ATP7B: variants seen among roughly 807,000 people sequenced by gnomAD.
ATP7B encodes copper-transporting ATPase 2.
ATP7B carries 113 observed loss-of-function variants against 118.9 expected under a neutral mutation model. The ratio of observed to expected loss-of-function variants is 0.95; its 90% CI spans 0.82 to 1.11. The LOEUF is 1.11. Ranked by LOEUF, ATP7B falls within the 50% of genes most tolerant of loss-of-function variation. ATP7B has a pLI of 0.00. For synonymous variants in ATP7B, 777 were observed against 727.4 expected, an observed-to-expected ratio of 1.07 and a Z score of -1.10; for missense variants, 1,867 against 1,871.4, an observed-to-expected ratio of 1.00 and a Z score of 0.04.
intron 16 of ATP7B, among the ~76,000 whole-genome samples, chr13:51,939,820 G>A (rs1192159424): frequency 6.6e-6 from 1 of 152,122 alleles, no homozygotes; most frequent in African/African-American, 2.4e-5. Context: ...GGAAAAAAGA[G>A]AGAGAATGTG....
intron 9 of ATP7B, among the ~76,000 whole-genome samples, chr13:51,951,762 G>A (rs1958023512): frequency 6.6e-6 from 1 of 152,164 alleles, no homozygotes; most frequent in South Asian, 2.1e-4. Flanking sequence ...TTCCACAGGG[G>A]CAAATATACG....
Position 51,952,846 on chromosome 13 carries a change from T to A in ATP7B, c.2448-2447A>T, listed in dbSNP as rs1227235809. On this transcript the variant is annotated intron_variant, in intron 9 of 20. Coordinates refer to ENST00000242839, the MANE Select transcript of ATP7B (RefSeq NM_000053.4). ...TAAGTGCCCAATGAATGCTGGTGAT[T>A]TTTATTATCACCTAATTGACATTTT... Among the ~76,000 whole-genome samples the A allele has an allele frequency of 2.0e-5, 3 of 152,164 alleles. No individual in the cohort carries two copies. The East Asian group carries it at 5.8e-4, about 29-fold the overall frequency.
upstream of ATP7B, chr13:52,011,534 T>A (rs1479283624): frequency 8.8e-6 from 6 of 680,422 alleles, no homozygotes; most frequent in Non-Finnish European, 1.6e-5. Flanking sequence ...GCAGCCCTCT[T>A]CACACGGATG....
intron 1 of ATP7B, among the ~76,000 whole-genome samples, chr13:51,986,630 C>T (rs563726315): frequency 2.6e-5 from 4 of 152,302 alleles, no homozygotes; most frequent in African/African-American, 9.6e-5. Context: ...AATTTCAGGC[C>T]AATATCCCTG....
chr13:51,963,881 A>C (rs958286897), intron 5 of ATP7B, among the ~76,000 whole-genome samples: 9 of 150,744 alleles, frequency 6.0e-5, no homozygotes, highest in Non-Finnish European at 3.0e-5. Flanking sequence ...GCGAAACACC[A>C]TCTCAAGTAA....
intron 1 of ATP7B, among the ~76,000 whole-genome samples, chr13:51,985,206 T>C (rs551554349): frequency 6.6e-6 from 1 of 152,066 alleles, no homozygotes; most frequent in African/African-American, 2.4e-5. Flanking sequence ...AGGCTCGAAA[T>C]ACAGGGATGG....
intron 2 of ATP7B, among the ~76,000 whole-genome samples, chr13:51,973,567 T>C (rs1951363408): frequency 6.6e-6 from 1 of 152,214 alleles, no homozygotes; most frequent in African/African-American, 2.4e-5. Context: ...TGTGATGCCC[T>C]GTGGCACCGG....
At position 51,946,706 on chromosome 13, in the gene ATP7B, C is replaced by G. The variant is rs974644310; in HGVS notation, c.2866-228G>C. 8.2e-6 allele frequency: 5 copies of G among 606,104 alleles called. No homozygotes were observed. In the African/African-American group the frequency reaches 9.2e-5, roughly 11 times the overall value. 37.5% of individuals were successfully genotyped at this position (606,104 alleles called of 1,614,324 possible). A position where few individuals can be genotyped will look rare whatever the true frequency, so the allele number is the denominator to read the frequency against. ...ACAGGTTTCCCTCAAAGAGGCATTA[C>G]AGGAGCAGAGTCAAATAAAAGCCCT... On this transcript the variant is annotated intron_variant, in intron 12 of 20. Coordinates refer to ENST00000242839, the MANE Select transcript of ATP7B (RefSeq NM_000053.4).
At chr13:51,953,818 G>C (rs1379160566) in intron 9 of ATP7B, among the ~76,000 whole-genome samples, 1 of 117,452 alleles carries the variant, frequency 8.5e-6, no homozygotes, top group African/African-American at 3.2e-5. Context: ...CACTGGTCTA[G>C]ATATGATTTG....
chr13:51,982,170 G>A (rs773888991), intron 1 of ATP7B, among the ~76,000 whole-genome samples: 1 of 152,032 alleles, frequency 6.6e-6, no homozygotes, highest in African/African-American at 2.4e-5. Context: ...TTCTAATTTG[G>A]GCAACAATAT....
intron 15 of ATP7B, among the ~76,000 whole-genome samples, chr13:51,941,921 G>A (rs1593663511): frequency 6.6e-6 from 1 of 152,260 alleles, no homozygotes; most frequent in East Asian, 1.9e-4. Flanking sequence ...AAGCTACCTT[G>A]AGAATAAAAA....
intron 1 of ATP7B, among the ~76,000 whole-genome samples, chr13:51,981,482 GACCACGTAC>G (rs924719814): frequency 6.6e-6 from 1 of 152,178 alleles, no homozygotes; most frequent in African/African-American, 2.4e-5. Context: ...AACAGCTCTG[GACCACGTAC>G]ATCCTGAATA....
rs767870811 is a variant in ATP7B at position 51,975,176 on chromosome 13, G to T, written c.52-8C>A. The T allele has an allele frequency of 6.2e-7, 1 of 1,613,930 alleles. No homozygotes were observed. On this transcript the variant is annotated splice_polypyrimidine_tract_variant and splice_region_variant and intron_variant, in intron 1 of 20. Coordinates refer to ENST00000242839, the MANE Select transcript of ATP7B (RefSeq NM_000053.4). ...AGAAAGCTTAGATAAGATCTAAAAA[G>T]AAAAGAAATAACATTTTTTAACCTT...
chr13:51,946,448 C>T lies in ATP7B; in HGVS notation c.2896G>A (p.Val966Met). 2.5e-6 allele frequency: 4 copies of T among 1,614,206 alleles called. No homozygotes were observed. The South Asian group carries it at 3.3e-5, about 13-fold the overall frequency. ...NPNKHISQTE[V>M]IIRFAFQTSI... is the part of the protein sequence containing the mutation. ...GTCTGGAAAGCAAACCGGATGATCACCTCTGTCTGGGAGATGTGCTTGTTG... is the reference window on the plus strand; with the variant it reads ...GTCTGGAAAGCAAACCGGATGATCATCTCTGTCTGGGAGATGTGCTTGTTG... Residue 966 changes from valine (V) to methionine (M), a missense_variant, in exon 13 of 21, where the codon GTG becomes ATG. Val to Met is a conservative substitution (Grantham distance 21, BLOSUM62 1). Coordinates refer to ENST00000242839, the MANE Select transcript of ATP7B (RefSeq NM_000053.4).
chr13:52,011,241 T>C, intron 1 of ATP7B, 46 bp downstream of exon 1: 2 of 1,614,026 alleles, frequency 1.2e-6, no homozygotes, highest in Non-Finnish European at 1.7e-6. Context: ...AAAATCCTCC[T>C]GGTGGGAGTG....
In ATP7B at chr13:51,937,668, G is replaced by A; in HGVS notation, c.3711C>T (p.Asn1237=). 6.2e-7 allele frequency: 1 copy of A among 1,614,246 alleles called. No homozygotes were observed. The highest frequency in any genetic ancestry group is 8.5e-7 in the Non-Finnish European group (1 of 1,180,058). Residue 1237 remains asparagine, a synonymous_variant, in exon 18 of 21, where the codon AAC becomes AAT. Coordinates refer to ENST00000242839, the MANE Select transcript of ATP7B (RefSeq NM_000053.4). The part of the protein sequence containing the change: ...ARAIATQVGI[N]KVFAEVLPSH... ...AAGGCAGCACCTCTGCAAAGACTTT[G>A]TTGATGCCAACCTAAGACAAAAGGA...
intron 5 of ATP7B, among the ~76,000 whole-genome samples, chr13:51,964,573 A>C (rs2139757392): frequency 6.6e-6 from 1 of 152,262 alleles, no homozygotes; most frequent in South Asian, 2.1e-4. Flanking sequence ...AGGCACTTTA[A>C]CCCTATGTAC....
At chr13:51,980,050 C>T (rs772852247) in intron 1 of ATP7B, among the ~76,000 whole-genome samples, 1 of 152,180 alleles carries the variant, frequency 6.6e-6, no homozygotes, top group Non-Finnish European at 1.5e-5. Context: ...AGGGCATATG[C>T]ATGCTTTTAA....
chr13:51,970,485 C>G lies in ATP7B; in HGVS notation c.1543+7G>C. ...TCCTAAGTTCAACATGGGCGTTCATCTCTTACCAGCTTCTTTCTGCAGATT... is the reference window on the plus strand; with the variant it reads ...TCCTAAGTTCAACATGGGCGTTCATGTCTTACCAGCTTCTTTCTGCAGATT... On this transcript the variant is annotated splice_region_variant and intron_variant, in intron 3 of 20. Coordinates refer to ENST00000242839, the MANE Select transcript of ATP7B (RefSeq NM_000053.4). The G allele has an allele frequency of 1.9e-6, 3 of 1,614,212 alleles. No homozygotes were observed. The highest frequency in any genetic ancestry group is 2.5e-6 in the Non-Finnish European group (3 of 1,180,040).
Sources: allele counts gnomAD v4.1 joint callset (sites outside exome capture counted in the v4.1 genomes callset), GRCh38; gene constraint gnomAD v4.1.1; transcripts MANE v1.5; gene names NCBI Gene and HGNC (gene_info 2026-07-23, HGNC 2026-07-21).